The following THSD4 variants were observed in gnomAD, a reference collection of about 807,000 sequenced individuals.
THSD4 encodes the protein thrombospondin type 1 domain containing 4.
A neutral mutation model predicts 119.0 loss-of-function variants in THSD4; 69 were observed. That is an observed-to-expected ratio of 0.58 (90% confidence interval 0.48 to 0.71). The LOEUF (loss-of-function observed/expected upper bound fraction) is 0.71. Ranked by LOEUF, THSD4 falls within the 30% of genes least tolerant of loss-of-function variation. The probability of loss-of-function intolerance (pLI) is 0.00; values close to 1 mark genes in which losing one functional copy is unlikely to be tolerated. For missense variants in THSD4, 1,393 were observed against 1,391.1 expected (o/e 1.00, Z -0.02); for synonymous variants, 524 against 540.4 (o/e 0.97, Z 0.42).
intron 7 of THSD4, among the ~76,000 whole-genome samples, chr15:71,442,660 G>GTATGTATGTATGTATGTATATA (rs1555414328): frequency 3.9e-5 from 1 of 25,828 alleles, no homozygotes; most frequent in Admixed American, 5.1e-4. Flanking sequence ...GTGTGTGTGT[G>GTATGTATGTATGTATGTATATA]TATATATATA....
chr15:71,638,240 A>G (rs1051212008), intron 7 of THSD4, among the ~76,000 whole-genome samples: 6 of 152,230 alleles, frequency 3.9e-5, no homozygotes, highest in Non-Finnish European at 7.3e-5. Flanking sequence ...TTGAGCTGAT[A>G]GCACATAGTG....
Position 71,243,848 on chromosome 15 carries a change from G to A in THSD4, c.912+752G>A, listed in dbSNP as rs577354968. 1.5e-4 allele frequency among the ~76,000 whole-genome samples: 21 copies of A among 136,560 alleles called. No individual in the cohort carries two copies. The South Asian group carries it at 4.0e-3, about 26-fold the overall frequency. The allele number at this position is 136,560 out of a possible 152,430, so 89.6% of individuals were successfully genotyped here. ...CACCCAGGCTGGAGCACAGTGGCGC[G>A]ATCTTGTCTCACTGCAACCTCTGCC... On this transcript the variant is annotated intron_variant, in intron 5 of 17. Coordinates refer to ENST00000261862, the MANE Select transcript of THSD4 (RefSeq NM_024817.3).
rs114067400 is a variant in THSD4 at position 71,377,433 on chromosome 15, T to A, written c.1016-34254T>A. 5.4e-3 allele frequency among the ~76,000 whole-genome samples: 821 copies of A among 152,172 alleles called. 5 individuals carry two copies. Among genetic ancestry groups the A allele is most frequent in the African/African-American group, 0.019 (778 of 41,508 alleles). ...GAGGGGAGGAAGGAGCTGTGGACTC[T>A]GAGCCATGACCCTTGGGGAATGTCT... On this transcript the variant is annotated intron_variant, in intron 6 of 17. Coordinates refer to ENST00000261862, the MANE Select transcript of THSD4 (RefSeq NM_024817.3).
chr15:71,459,392 C>A (rs529960151), intron 7 of THSD4, among the ~76,000 whole-genome samples: 1 of 151,358 alleles, frequency 6.6e-6, no homozygotes, highest in African/African-American at 2.4e-5. Flanking sequence ...CTCTCTCTCT[C>A]TCTCTCTCTC....
intron 7 of THSD4, among the ~76,000 whole-genome samples, chr15:71,513,805 T>A (rs2048316076): frequency 6.6e-6 from 1 of 152,214 alleles, no homozygotes; most frequent in African/African-American, 2.4e-5. Context: ...GGTAAATAGA[T>A]AAGTTGTGGC....
intron 7 of THSD4, among the ~76,000 whole-genome samples, chr15:71,420,183 AGTT>A (rs1271407362): frequency 9.3e-6 from 1 of 107,878 alleles, no homozygotes; most frequent in African/African-American, 3.2e-5. Flanking sequence ...ATATATTTAC[AGTT>A]GTTAAATCCT....
intron 7 of THSD4, among the ~76,000 whole-genome samples, chr15:71,646,994 C>T (rs949680004): frequency 6.6e-6 from 1 of 152,182 alleles, no homozygotes; most frequent in African/African-American, 2.4e-5. Context: ...AGATAAATGT[C>T]ACAACCACGT....
intron 7 of THSD4, among the ~76,000 whole-genome samples, chr15:71,421,505 T>C (rs1207693575): frequency 6.6e-6 from 1 of 152,234 alleles, no homozygotes; most frequent in East Asian, 1.9e-4. Context: ...TCTCCTGGCC[T>C]GTAAGGTTTC....
intron 7 of THSD4, among the ~76,000 whole-genome samples, chr15:71,521,821 A>G (rs201697125): frequency 1.3e-5 from 2 of 152,336 alleles, no homozygotes; most frequent in East Asian, 3.9e-4. Context: ...TTACAAATGC[A>G]TATTGAGTGC....
At chr15:71,617,136 A>G (rs915720028) in intron 7 of THSD4, among the ~76,000 whole-genome samples, 2 of 152,192 alleles carry the variant, frequency 1.3e-5, no homozygotes, top group African/African-American at 4.8e-5. Flanking sequence ...AGAGTGATAA[A>G]CCAACTAACA....
intron 7 of THSD4, among the ~76,000 whole-genome samples, chr15:71,550,476 G>C (rs7180703): frequency 2.6e-4 from 39 of 152,166 alleles, no homozygotes; most frequent in African/African-American, 8.9e-4. Context: ...TTGCTCTGTC[G>C]CCCAGACTGG....
At chr15:71,148,515 ATT>A (rs34693875) in intron 2 of THSD4, among the ~76,000 whole-genome samples, 5 of 150,748 alleles carry the variant, frequency 3.3e-5, no homozygotes, top group African/African-American at 1.2e-4. Flanking sequence ...AATAGAATGC[ATT>A]TTTTTTTTAA....
At chr15:71,657,090 G>A (rs111662725) in intron 7 of THSD4, among the ~76,000 whole-genome samples, 2,565 of 152,230 alleles carry the variant, frequency 0.017, 38 homozygotes, top group Non-Finnish European at 0.024. Context: ...ATTTGATCCT[G>A]TCCAGCACGA....
At chr15:71,309,891 G>C (rs773823407) in intron 6 of THSD4, among the ~76,000 whole-genome samples, 14 of 152,188 alleles carry the variant, frequency 9.2e-5, no homozygotes, top group Admixed American at 3.9e-4. Context: ...GCCTGAAACA[G>C]CCCCAGTGCT....
chr15:71,763,839 CAGATCATTTGGG>C (rs2053667718), intron 15 of THSD4, among the ~76,000 whole-genome samples: 1 of 151,766 alleles, frequency 6.6e-6, no homozygotes, highest in Admixed American at 6.6e-5. Flanking sequence ...CCGAGGCAGG[CAGATCATTTGGG>C]TTCAGGAGTT....
At chr15:71,429,271 T>C (rs780360363) in intron 7 of THSD4, among the ~76,000 whole-genome samples, 9 of 152,174 alleles carry the variant, frequency 5.9e-5, no homozygotes, top group Non-Finnish European at 1.3e-4. Flanking sequence ...ATGTGGCAAT[T>C]TGAGGATAGT....
intron 6 of THSD4, among the ~76,000 whole-genome samples, chr15:71,334,875 A>T (rs146187929): frequency 2.2e-4 from 33 of 152,314 alleles, no homozygotes; most frequent in African/African-American, 7.5e-4. Flanking sequence ...ATCTGGGACA[A>T]AGGGGGAATC....
At position 71,540,571 on chromosome 15, in the gene THSD4, A is replaced by G. The variant is rs570180923; in HGVS notation, c.1153-119959A>G. On this transcript the variant is annotated intron_variant, in intron 7 of 17. Transcript: ENST00000261862. ...AGCCTCCCGAGTAGATGGGATTACAAGCACGTGCCACCACACTCAGCTAAT... is the reference window on the plus strand; with the variant it reads ...AGCCTCCCGAGTAGATGGGATTACAGGCACGTGCCACCACACTCAGCTAAT... 1.6e-3 allele frequency among the ~76,000 whole-genome samples: 222 copies of G among 138,980 alleles called. 2 individuals carry two copies. The highest frequency in any genetic ancestry group is 5.6e-3 in the African/African-American group (205 of 36,460). 91.2% of individuals were successfully genotyped at this position (138,980 alleles called of 152,430 possible).
intron 8 of THSD4, among the ~76,000 whole-genome samples, chr15:71,712,546 A>G (rs951919106): frequency 6.6e-6 from 1 of 152,226 alleles, no homozygotes; most frequent in Non-Finnish European, 1.5e-5. Flanking sequence ...GGGAGGAAAC[A>G]ATAAAAACAA....
Sources: gnomAD v4.1 joint callset for allele counts (sites outside exome capture counted in the v4.1 genomes callset) on GRCh38, gnomAD v4.1.1 for gene constraint, MANE v1.5 for transcripts, NCBI Gene and HGNC (gene_info 2026-07-23, HGNC 2026-07-21) for gene names.